The following CFAP44 variants were observed in gnomAD, a reference collection of about 807,000 sequenced individuals.
The protein encoded by CFAP44 is cilia- and flagella-associated protein 44.
Under a neutral mutation model 216.2 loss-of-function variants are expected in CFAP44, and 134 were observed. That is an observed-to-expected ratio of 0.62 (90% CI 0.54 to 0.72). CFAP44 has a LOEUF of 0.72. CFAP44 is among the 30% of genes least tolerant of loss of function. The pLI, the probability that CFAP44 is intolerant of heterozygous loss-of-function variation, is 0.00. For synonymous variants in CFAP44, 700 were observed against 727.6 expected (o/e 0.96, Z 0.61); for missense variants, 2,035 against 2,182.1 (o/e 0.93, Z 1.34).
At chr3:113,316,744 C>G (rs979407691) in intron 28 of CFAP44, among the ~76,000 whole-genome samples, 1 of 151,944 alleles carries the variant, frequency 6.6e-6, no homozygotes, top group African/African-American at 2.4e-5. Flanking sequence ...TGGTGGGTGT[C>G]TGTAATCCTG....
At chr3:113,383,653 CTG>C (rs1933571193) in intron 15 of CFAP44, among the ~76,000 whole-genome samples, 1 of 152,120 alleles carries the variant, frequency 6.6e-6, no homozygotes, top group Non-Finnish European at 1.5e-5. Context: ...ATACAGGTCT[CTG>C]TGTCGTGAAA....
chr3:113,432,567 T>C (rs943661998), intron 2 of CFAP44, among the ~76,000 whole-genome samples: 1 of 152,208 alleles, frequency 6.6e-6, no homozygotes. Flanking sequence ...TATACTGCTC[T>C]CTCTAGCTAC....
chr3:113,332,146 C>T (rs1950246118), intron 25 of CFAP44, among the ~76,000 whole-genome samples: 1 of 152,158 alleles, frequency 6.6e-6, no homozygotes, highest in Non-Finnish European at 1.5e-5. Flanking sequence ...TCTCCTCTAG[C>T]TAGAGTATGA....
rs1268692844 is a variant in CFAP44 at position 113,304,000 on chromosome 3, T to G, written c.4993A>C (p.Lys1665Gln). The G allele has an allele frequency of 1.3e-6, 2 of 1,537,710 alleles. No homozygotes were observed. Among genetic ancestry groups the G allele is most frequent in the Non-Finnish European group, 1.7e-6 (2 of 1,147,012 alleles). The change falls in exon 32 of 35, where the codon AAG becomes CAG. Residue 1665 changes from lysine to glutamine, a missense_variant. Coordinates refer to ENST00000393845, the MANE Select transcript of CFAP44 (RefSeq NM_001164496.2). ...CATTCTTTGTTAAGTTTTTGCTGCT[T>G]GGAATTTTCCTCCTGGAGCTCATGG... ...RIHELQEENSKQQKLNKEWRE... is the reference protein window; with the variant it reads ...RIHELQEENSQQQKLNKEWRE...
At chr3:113,293,046 T>G (rs889308264) in intron 34 of CFAP44, among the ~76,000 whole-genome samples, 1 of 152,200 alleles carries the variant, frequency 6.6e-6, no homozygotes, top group African/African-American at 2.4e-5. Flanking sequence ...GTCATCTCCC[T>G]CTAGACTTCT....
In CFAP44 at chr3:113,289,634, C is replaced by T. The variant is rs773049321; in HGVS notation, c.*1923G>A. 2 of 152,302 alleles carry T rather than the reference C, an allele frequency of 1.3e-5. No homozygotes were observed. Among genetic ancestry groups the T allele is most frequent in the South Asian group, 2.1e-4 (1 of 4,826 alleles). The allele number at this position is 152,302 out of a possible 1,614,324, so 9.4% of individuals were successfully genotyped here. ...AGCTCCCACGAAGGCCCCGGTGACC[C>T]CCACCTGGCATTCACACCCTGTTCA... On this transcript the variant is annotated 3_prime_UTR_variant, in exon 35 of 35. Transcript: ENST00000393845.
At chr3:113,440,157 T>C (rs1053452909) in intron 1 of CFAP44, among the ~76,000 whole-genome samples, 1 of 152,100 alleles carries the variant, frequency 6.6e-6, no homozygotes, top group Non-Finnish European at 1.5e-5. Context: ...TCCACCTCCC[T>C]GGTTCAAGCG....
chr3:113,359,702 C>T (rs1258405171), intron 21 of CFAP44, among the ~76,000 whole-genome samples: 1 of 151,806 alleles, frequency 6.6e-6, no homozygotes, highest in Non-Finnish European at 1.5e-5. Context: ...CTGGGTAACC[C>T]ATGAATATAT....
intron 29 of CFAP44, among the ~76,000 whole-genome samples, chr3:113,307,093 C>A (rs930139363): frequency 6.6e-6 from 1 of 152,202 alleles, no homozygotes; most frequent in African/African-American, 2.4e-5. Flanking sequence ...TCTATTGAGA[C>A]TGCAAGAAAT....
At chr3:113,358,271 A>T (rs958915242) in intron 22 of CFAP44, among the ~76,000 whole-genome samples, 9 of 152,020 alleles carry the variant, frequency 5.9e-5, no homozygotes, top group Non-Finnish European at 1.3e-4. Context: ...TCTGTAAAAA[A>T]TTTTCAAGAT....
chr3:113,294,372 A>G (rs1387103835), intron 34 of CFAP44: 1 of 336,582 alleles, frequency 3.0e-6, no homozygotes, highest in African/African-American at 2.1e-5. Flanking sequence ...CATGTTTGAC[A>G]CCAAACCCAG....
intron 25 of CFAP44, 78 bp from the exon 26 acceptor site, chr3:113,330,746 T>G: frequency 7.0e-7 from 1 of 1,428,024 alleles, no homozygotes; most frequent in Non-Finnish European, 9.1e-7. Flanking sequence ...TGCTCTTTTC[T>G]GTTGCTGAAA....
At chr3:113,349,444 G>A (rs865997478) in intron 22 of CFAP44, among the ~76,000 whole-genome samples, 10 of 152,286 alleles carry the variant, frequency 6.6e-5, no homozygotes, top group African/African-American at 1.2e-4. Flanking sequence ...GAGAAAGGCC[G>A]CAGGCTTAGT....
intron 5 of CFAP44, chr3:113,417,437 C>CA: frequency 6.6e-6 from 1 of 151,910 alleles, no homozygotes; most frequent in East Asian, 1.9e-4. Flanking sequence ...ATTGGTAAGC[C>CA]AAATGTGTAG....
chr3:113,435,496 T>C, intron 1 of CFAP44, among the ~76,000 whole-genome samples: 1 of 151,986 alleles, frequency 6.6e-6, no homozygotes, highest in Non-Finnish European at 1.5e-5. Context: ...GTCCCTCCCA[T>C]GACACATGGG....
Position 113,363,263 on chromosome 3 carries a change from T to C in CFAP44, c.2816A>G (p.Lys939Arg). Residue 939 changes from lysine to arginine, a missense_variant, in exon 21 of 35, where the codon AAA becomes AGA. Physicochemically the swap from Lys to Arg is conservative, Grantham distance 26. This residue lies in a region of CFAP44 where 1,883 missense variants were observed against 2,023.7 expected (regional missense o/e 0.93). Coordinates refer to ENST00000393845, the MANE Select transcript of CFAP44 (RefSeq NM_001164496.2). ...CCGTGCCTTTATTTCTCCCACTTCT[T>C]TCATTAACTTGTCATGTTCTCTTTT... is the stretch of plus-strand genomic sequence containing the variant. ...RRKREHDKLM[K>R]EVGEIKARKR... 3 of 1,612,774 alleles carry C rather than the reference T, an allele frequency of 1.9e-6. No individual in the cohort carries two copies. The highest frequency in any genetic ancestry group is 2.5e-6 in the Non-Finnish European group (3 of 1,179,632).
At position 113,346,957 on chromosome 3, in the gene CFAP44, G is replaced by T. The variant is rs142851572; in HGVS notation, c.3066-2245C>A. Among the ~76,000 whole-genome samples the T allele has an allele frequency of 8.5e-3, 1,300 of 152,290 alleles. 22 individuals are homozygous for T. The highest frequency in any genetic ancestry group is 0.03 in the African/African-American group (1,244 of 41,546). On this transcript the variant is annotated intron_variant, in intron 22 of 34. Transcript: ENST00000393845. ...ATAACACTCACCGCGAAGGCCCGTG[G>T]CTTCATTCTTGAAGTCAGCGAGACC...
intron 17 of CFAP44, among the ~76,000 whole-genome samples, chr3:113,376,615 G>A (rs922582611): frequency 6.6e-6 from 1 of 152,180 alleles, no homozygotes; most frequent in Admixed American, 6.5e-5. Context: ...TCTGTTAAAT[G>A]TTCCGAAAAG....
At chr3:113,396,855 T>C in intron 13 of CFAP44, 128 bp from the exon 14 acceptor site, 2 of 889,810 alleles carry the variant, frequency 2.2e-6, no homozygotes, top group Non-Finnish European at 3.4e-6. Context: ...TTTATATCAC[T>C]TTCTGGTAAC....
Sources: gnomAD v4.1 joint callset for allele counts (sites outside exome capture counted in the v4.1 genomes callset) on GRCh38, gnomAD v4.1.1 for gene constraint, gnomAD v4.1.1 regional missense constraint, MANE v1.5 for transcripts, NCBI Gene and HGNC (gene_info 2026-07-23, HGNC 2026-07-21) for gene names.